SLC24A3: variants seen among roughly 807,000 people sequenced by gnomAD.
SLC24A3 encodes sodium/potassium/calcium exchanger 3.
SLC24A3 carries 28 observed loss-of-function variants against 75.8 expected under a neutral mutation model. The ratio of observed to expected loss-of-function variants is 0.37; its 90% confidence interval spans 0.27 to 0.51. SLC24A3 has a LOEUF of 0.51. Ranked by LOEUF, SLC24A3 falls within the 20% of genes least tolerant of loss-of-function variation. The pLI is 0.94. For missense variants in SLC24A3, 663 were observed against 847.8 expected, an observed-to-expected ratio of 0.78 and a Z score of 2.71; for synonymous variants, 372 against 334.1, an observed-to-expected ratio of 1.11 and a Z score of -1.24.
intron 2 of SLC24A3, among the ~76,000 whole-genome samples, chr20:19,509,411 A>G (rs1406676505): frequency 4.6e-5 from 7 of 152,234 alleles, no homozygotes; most frequent in Non-Finnish European, 1.0e-4. Flanking sequence ...GAGGCGCTAG[A>G]GGCCCCACAT....
intron 6 of SLC24A3, among the ~76,000 whole-genome samples, chr20:19,594,979 G>T (rs146964662): frequency 6.6e-6 from 1 of 152,190 alleles, no homozygotes; most frequent in Admixed American, 6.5e-5. Flanking sequence ...TTAAAATGTA[G>T]ACTCTGATTT....
chr20:19,472,371 C>T (rs1183859425), intron 2 of SLC24A3, among the ~76,000 whole-genome samples: 1 of 152,214 alleles, frequency 6.6e-6, no homozygotes, highest in Non-Finnish European at 1.5e-5. Context: ...ATGTAATGGC[C>T]TTCTTTACCT....
At chr20:19,630,126 C>T (rs2031915798) in intron 6 of SLC24A3, among the ~76,000 whole-genome samples, 1 of 152,098 alleles carries the variant, frequency 6.6e-6, no homozygotes, top group African/African-American at 2.4e-5. Flanking sequence ...AGGCTTAGGG[C>T]ACAAGAGATC....
At chr20:19,574,455 G>A (rs1162934389) in intron 3 of SLC24A3, among the ~76,000 whole-genome samples, 1 of 152,182 alleles carries the variant, frequency 6.6e-6, no homozygotes, top group African/African-American at 2.4e-5. Flanking sequence ...TGGTTCATGG[G>A]TTTTTCTGGT....
intron 2 of SLC24A3, among the ~76,000 whole-genome samples, chr20:19,421,455 C>T: frequency 6.6e-6 from 1 of 152,110 alleles, no homozygotes; most frequent in East Asian, 1.9e-4. Context: ...TGCTCATCAT[C>T]ACTGGCCATC....
intron 2 of SLC24A3, among the ~76,000 whole-genome samples, chr20:19,440,501 C>T (rs1316262757): frequency 6.6e-6 from 1 of 152,160 alleles, no homozygotes; most frequent in Non-Finnish European, 1.5e-5. Context: ...GGACAAACTA[C>T]CTTTGACCTA....
chr20:19,684,549 TA>T (rs2064096644), intron 11 of SLC24A3, among the ~76,000 whole-genome samples: 1 of 152,332 alleles, frequency 6.6e-6, no homozygotes, highest in African/African-American at 2.4e-5. Context: ...AATTTCCATT[TA>T]TATAGAAAAC....
In SLC24A3 at chr20:19,365,124, G is replaced by A. The variant is rs149161553; in HGVS notation, c.271+84037G>A. On this transcript the variant is annotated intron_variant, in intron 2 of 16. Transcript: ENST00000328041. The stretch of plus-strand genomic sequence containing the variant: ...CCCATGAGGCCTTGCACTTTGTACC[G>A]TTATACAAGGAGAAGGATGCTCACC... 1.6e-4 allele frequency among the ~76,000 whole-genome samples: 24 copies of A among 152,222 alleles called. No homozygotes were observed. The East Asian group carries it at 3.1e-3, about 20-fold the overall frequency.
At chr20:19,463,986 C>T (rs1407741899) in intron 2 of SLC24A3, among the ~76,000 whole-genome samples, 1 of 152,194 alleles carries the variant, frequency 6.6e-6, no homozygotes, top group Non-Finnish European at 1.5e-5. Context: ...TACAGAGCAG[C>T]CCAGCCCTGA....
chr20:19,427,045 G>A (rs1987019346), intron 2 of SLC24A3, among the ~76,000 whole-genome samples: 1 of 152,160 alleles, frequency 6.6e-6, no homozygotes, highest in Admixed American at 6.5e-5. Context: ...ATGTGTGTAT[G>A]CCTGTGTGTG....
intron 2 of SLC24A3, among the ~76,000 whole-genome samples, chr20:19,390,725 C>T (rs6046049): frequency 0.011 from 1,621 of 152,290 alleles, 27 homozygotes; most frequent in African/African-American, 0.036. Flanking sequence ...TGCTGAATTT[C>T]CAACATGGGA....
At chr20:19,281,813 C>T (rs573441574) in intron 2 of SLC24A3, among the ~76,000 whole-genome samples, 5 of 152,250 alleles carry the variant, frequency 3.3e-5, no homozygotes, top group South Asian at 4.1e-4. Context: ...GGCCACATAT[C>T]GCATCTGTAG....
intron 2 of SLC24A3, among the ~76,000 whole-genome samples, chr20:19,412,381 G>A (rs569968601): frequency 3.3e-5 from 5 of 152,144 alleles, no homozygotes; most frequent in East Asian, 1.9e-4. Context: ...CCCTGTGAGC[G>A]AAATGCCAAA....
intron 1 of SLC24A3, among the ~76,000 whole-genome samples, chr20:19,260,043 G>C (rs374692420): frequency 2.6e-5 from 4 of 152,230 alleles, no homozygotes; most frequent in Admixed American, 6.5e-5. Context: ...TCTGGAGTGG[G>C]ATCTGGAAGG....
intron 6 of SLC24A3, among the ~76,000 whole-genome samples, chr20:19,633,648 C>CAAAA (rs61251598): frequency 6.5e-4 from 55 of 84,878 alleles, no homozygotes; most frequent in African/African-American, 1.6e-3. Flanking sequence ...GACTCCGTCT[C>CAAAA]AAAAAAAAAA....
chr20:19,372,137 A>T (rs1226236955), intron 2 of SLC24A3, among the ~76,000 whole-genome samples: 1 of 152,208 alleles, frequency 6.6e-6, no homozygotes, highest in Non-Finnish European at 1.5e-5. Flanking sequence ...GAAACCTTAG[A>T]ACTGTGGTTG....
chr20:19,313,135 C>T (rs1278239868), intron 2 of SLC24A3, among the ~76,000 whole-genome samples: 1 of 137,476 alleles, frequency 7.3e-6, no homozygotes, highest in Non-Finnish European at 1.5e-5. Context: ...TTCCCAGGTT[C>T]AAGCGATTCT....
At chr20:19,490,606 A>G (rs1323874202) in intron 2 of SLC24A3, among the ~76,000 whole-genome samples, 2 of 152,232 alleles carry the variant, frequency 1.3e-5, no homozygotes, top group Non-Finnish European at 2.9e-5. Context: ...AGTTAGAGCT[A>G]TTATTAAGAT....
intron 15 of SLC24A3, among the ~76,000 whole-genome samples, chr20:19,709,554 G>A (rs1313928624): frequency 6.6e-6 from 1 of 152,004 alleles, no homozygotes; most frequent in African/African-American, 2.4e-5. Context: ...CCCAGGAGGT[G>A]GAAGTCGCAG....
Sources: allele counts gnomAD v4.1 joint callset (sites outside exome capture counted in the v4.1 genomes callset), GRCh38; gene constraint gnomAD v4.1.1; transcripts MANE v1.5; gene names NCBI Gene and HGNC (gene_info 2026-07-23, HGNC 2026-07-21).